NKAIN2: variants seen among roughly 807,000 people sequenced by gnomAD.
NKAIN2 encodes sodium/potassium transporting ATPase interacting 2, also known as sodium/potassium-transporting ATPase subunit beta-1-interacting protein 2.
NKAIN2 carries 14 observed loss-of-function variants against 32.6 expected under a neutral mutation model. The ratio of observed to expected loss-of-function variants is 0.43; its 90% CI spans 0.28 to 0.67. The LOEUF (loss-of-function observed/expected upper bound fraction) is 0.67, where lower values mean the gene tolerates loss of function less well. Among genes scored for constraint, NKAIN2 ranks in the 30% least tolerant of loss-of-function variants. The probability of loss-of-function intolerance (pLI) is 0.17; values close to 1 mark genes in which losing one functional copy is unlikely to be tolerated. For missense variants in NKAIN2, 198 were observed against 258.3 expected (o/e 0.77, Z 1.60); for synonymous variants, 80 against 87.2 (o/e 0.92, Z 0.46).
At chr6:124,347,160 GC>G (rs1218198399) in intron 2 of NKAIN2, among the ~76,000 whole-genome samples, 2 of 152,078 alleles carry the variant, frequency 1.3e-5, no homozygotes, top group African/African-American at 4.8e-5. Flanking sequence ...TTGAATATTG[GC>G]CCCCACTCTC....
chr6:124,468,407 C>A (rs1418945173), intron 3 of NKAIN2, among the ~76,000 whole-genome samples: 4 of 152,048 alleles, frequency 2.6e-5, no homozygotes, highest in African/African-American at 9.7e-5. Flanking sequence ...TGCTAGTTGG[C>A]GAATCTTCTA....
chr6:124,131,134 TTTG>T (rs904670162), intron 1 of NKAIN2, among the ~76,000 whole-genome samples: 1 of 151,982 alleles, frequency 6.6e-6, no homozygotes, highest in Non-Finnish European at 1.5e-5. Context: ...TGAGTTGAGT[TTTG>T]TTGTTGTTGT....
At chr6:124,770,229 G>A (rs182145326) in intron 4 of NKAIN2, among the ~76,000 whole-genome samples, 15 of 152,194 alleles carry the variant, frequency 9.9e-5, no homozygotes, top group Admixed American at 6.5e-4. Context: ...TATGTTATTG[G>A]TATCACCTGT....
At chr6:124,326,445 T>C (rs1343923739) in intron 2 of NKAIN2, among the ~76,000 whole-genome samples, 2 of 152,184 alleles carry the variant, frequency 1.3e-5, no homozygotes, top group Non-Finnish European at 2.9e-5. Flanking sequence ...CCTCAAATTA[T>C]AGCCTTTCTG....
chr6:124,158,199 C>T (rs1788084605), intron 1 of NKAIN2, among the ~76,000 whole-genome samples: 1 of 152,106 alleles, frequency 6.6e-6, no homozygotes, highest in Non-Finnish European at 1.5e-5. Context: ...CAGACTGCTG[C>T]CTTTTTCCTT....
At chr6:124,272,847 T>C (rs1042924511) in intron 1 of NKAIN2, among the ~76,000 whole-genome samples, 1 of 152,182 alleles carries the variant, frequency 6.6e-6, no homozygotes, top group Non-Finnish European at 1.5e-5. Flanking sequence ...TCAAAAAATA[T>C]CATCTCAGAG....
At chr6:123,827,230 C>G (rs1414745609) in intron 1 of NKAIN2, among the ~76,000 whole-genome samples, 1 of 152,012 alleles carries the variant, frequency 6.6e-6, no homozygotes, top group Non-Finnish European at 1.5e-5. Context: ...TTGTTCTGAA[C>G]AGAAGTAGTT....
chr6:124,429,351 A>T (rs1404132513), intron 3 of NKAIN2, among the ~76,000 whole-genome samples: 1 of 151,546 alleles, frequency 6.6e-6, no homozygotes, highest in Non-Finnish European at 1.5e-5. Context: ...CCTGGCCCAT[A>T]TTTTTTCTTT....
At chr6:124,066,783 T>C (rs1783205412) in intron 1 of NKAIN2, among the ~76,000 whole-genome samples, 1 of 152,116 alleles carries the variant, frequency 6.6e-6, no homozygotes, top group Non-Finnish European at 1.5e-5. Context: ...ATATAATCCT[T>C]TTAGTGCAGA....
chr6:124,097,182 G>C (rs1429307557), intron 1 of NKAIN2, among the ~76,000 whole-genome samples: 1 of 151,984 alleles, frequency 6.6e-6, no homozygotes, highest in African/African-American at 2.4e-5. Context: ...GGCTGAGGCG[G>C]GCAGATCACG....
At chr6:124,134,124 T>TA (rs35419422) in intron 1 of NKAIN2, among the ~76,000 whole-genome samples, 89,926 of 145,790 alleles carry the variant, frequency 0.62, 27,607 homozygotes, top group East Asian at 0.74. Context: ...TAAAAGAAAT[T>TA]AAAAAAAAAA....
At chr6:124,797,857 T>C (rs1780071570) in intron 5 of NKAIN2, among the ~76,000 whole-genome samples, 1 of 152,100 alleles carries the variant, frequency 6.6e-6, no homozygotes, top group Admixed American at 6.6e-5. Context: ...AAATATTTGT[T>C]TCTTCCTGTC....
intron 2 of NKAIN2, among the ~76,000 whole-genome samples, chr6:124,291,049 T>A: frequency 6.6e-6 from 1 of 152,146 alleles, no homozygotes; most frequent in East Asian, 1.9e-4. Flanking sequence ...AACAACTTCC[T>A]GAAAAGCATG....
intron 3 of NKAIN2, among the ~76,000 whole-genome samples, chr6:124,643,344 G>C (rs967900465): frequency 1.1e-4 from 17 of 152,042 alleles, no homozygotes; most frequent in Non-Finnish European, 2.4e-4. Context: ...CTATAGTTTT[G>C]ATTATTGTTT....
chr6:124,549,300 G>A (rs967908790), intron 3 of NKAIN2, among the ~76,000 whole-genome samples: 5 of 152,118 alleles, frequency 3.3e-5, no homozygotes, highest in African/African-American at 7.2e-5. Context: ...CCCGGGATGC[G>A]GAGGTTGCAG....
At chr6:124,065,396 C>G (rs759816546) in intron 1 of NKAIN2, among the ~76,000 whole-genome samples, 1 of 152,088 alleles carries the variant, frequency 6.6e-6, no homozygotes, top group Non-Finnish European at 1.5e-5. Context: ...AATGTGTCCC[C>G]CAAAATTCAT....
At chr6:123,828,557 A>G (rs1774243653) in intron 1 of NKAIN2, among the ~76,000 whole-genome samples, 1 of 152,150 alleles carries the variant, frequency 6.6e-6, no homozygotes, top group South Asian at 2.1e-4. Flanking sequence ...ATGTTATTCT[A>G]TGTCATTCCC....
chr6:124,389,709 G>A (rs1236359178), intron 3 of NKAIN2, among the ~76,000 whole-genome samples: 1 of 119,146 alleles, frequency 8.4e-6, no homozygotes, highest in East Asian at 2.7e-4. Flanking sequence ...TCATCTCTGT[G>A]TACATTTGTG....
intron 1 of NKAIN2, among the ~76,000 whole-genome samples, chr6:124,137,096 T>C (rs946786881): frequency 6.6e-6 from 1 of 152,056 alleles, no homozygotes; most frequent in African/African-American, 2.4e-5. Flanking sequence ...TATTATTGTA[T>C]ACTTAAAAAA....
Sources: allele counts gnomAD v4.1 joint callset (sites outside exome capture counted in the v4.1 genomes callset), GRCh38; gene constraint gnomAD v4.1.1; transcripts MANE v1.5; gene names NCBI Gene and HGNC (gene_info 2026-07-23, HGNC 2026-07-21).